Variants in NKPD1 observed in about 807,000 individuals in gnomAD.
NKPD1 encodes NTPase KAP family P-loop domain containing 1.
Under a neutral mutation model 42.2 loss-of-function variants are expected in NKPD1, and 37 were observed. That is an observed-to-expected ratio of 0.88 (90% confidence interval 0.67 to 1.15). NKPD1 has a LOEUF of 1.15. Ranked by LOEUF, NKPD1 falls within the 50% of genes most tolerant of loss-of-function variation. The pLI is 0.00. For synonymous variants in NKPD1, 552 were observed against 536.5 expected (o/e 1.03, Z -0.40); for missense variants, 1,113 against 1,174.6 (o/e 0.95, Z 0.77).
At chr19:45,154,326 C>T (rs1968861496) in intron 4 of NKPD1, among the ~76,000 whole-genome samples, 1 of 152,216 alleles carries the variant, frequency 6.6e-6, no homozygotes, top group South Asian at 2.1e-4. Flanking sequence ...TCTGGGTCAT[C>T]ACTGTCTGAG....
chr19:45,153,043 T>C lies in NKPD1; in HGVS notation c.1394A>G (p.Tyr465Cys). 6.3e-7 allele frequency: 1 copy of C among 1,585,408 alleles called. No homozygotes were observed. The highest frequency in any genetic ancestry group is 1.3e-5 in the African/African-American group (1 of 74,374). The stretch of plus-strand genomic sequence containing the variant: ...GAGCACGCCCACCACGCGCTCCGGG[T>C]AGCACGTGTCCAGCCCGGTGACCTC... ...VLEVTGLDTC[Y>C]PERVVGVLNA... The change falls in exon 5 of 5, where the codon TAC becomes TGC. Residue 465 changes from tyrosine to cysteine, a missense_variant. By Grantham distance (194) the Tyr-to-Cys change is radical. Around this residue, in one of 3 missense-constraint regions of NKPD1, gnomAD observed 867 missense variants for 870.1 expected, o/e 1.00. Transcript: ENST00000686631.
chr19:45,154,254 T>C (rs1236777106), intron 4 of NKPD1, among the ~76,000 whole-genome samples: 1 of 152,082 alleles, frequency 6.6e-6, no homozygotes, highest in African/African-American at 2.4e-5. Flanking sequence ...ACTTAACTGC[T>C]CCTCCTGCAG....
At chr19:45,159,134 T>G (rs1968961600) in intron 2 of NKPD1, 34 bp from the exon 3 acceptor site, 1 of 1,250,654 alleles carries the variant, frequency 8.0e-7, no homozygotes, top group South Asian at 1.3e-5. Context: ...ACTGGGCCTG[T>G]GTCCCCGACC....
rs1599720035 is a variant in NKPD1, at chr19:45,152,994, G to C, written c.1443C>G (p.Ser481=). The change falls in exon 5 of 5, where the codon TCC becomes TCG. Residue 481 remains serine, a synonymous_variant. Coordinates refer to ENST00000686631, the MANE Select transcript of NKPD1 (RefSeq NM_198478.4). ...GVLNAINTLL[S]DSHAPFIFIL... is the part of the protein sequence containing the mutation. ...TGAAGATGAAGGGCGCGTGGCTGTC[G>C]GACAGCAGCGTGTTGATGGCGTTGA... 1 of 1,585,280 alleles carries C rather than the reference G, an allele frequency of 6.3e-7. No individual in the cohort carries two copies. The highest frequency in any genetic ancestry group is 8.6e-7 in the Non-Finnish European group (1 of 1,164,970).
Position 45,158,593 on chromosome 19 carries a change from C to A in NKPD1, c.529+70G>T. On this transcript the variant is annotated intron_variant, in intron 3 of 4. Coordinates refer to ENST00000686631, the MANE Select transcript of NKPD1 (RefSeq NM_198478.4). This position sits in a 1 kb window ranked among gnomAD's most constrained non-coding sequence, Gnocchi z 4.6. ...CAGGTGCAAGATGCTAGGCAGGGAG[C>A]AAGGAGAGCAGGTGGGAAGTGAGGC... 8.8e-7 allele frequency: 1 copy of A among 1,140,646 alleles called. No homozygotes were observed. The highest frequency in any genetic ancestry group is 1.1e-6 in the Non-Finnish European group (1 of 919,892). 70.7% of individuals were successfully genotyped at this position (1,140,646 alleles called of 1,614,324 possible).
rs1452324701 is a variant in NKPD1 at position 45,152,177 on chromosome 19, T to C, written c.2260A>G (p.Met754Val). The C allele has an allele frequency of 1.9e-6, 3 of 1,595,212 alleles. No homozygotes were observed. Among genetic ancestry groups the C allele is most frequent in the Non-Finnish European group, 2.6e-6 (3 of 1,172,624 alleles). Reference sequence around the variant, plus strand: ...GCGCTGACGGCTCGGATGAGACCCATGCGCCGGCGGATGGAGTGGTCCAGG... The same window carrying C: ...GCGCTGACGGCTCGGATGAGACCCACGCGCCGGCGGATGGAGTGGTCCAGG... ...VNLDHSIRRRMGLIRAVSALK... is the reference protein window; with the variant it reads ...VNLDHSIRRRVGLIRAVSALK... Residue 754 changes from methionine to valine, a missense_variant, in exon 5 of 5, where the codon ATG becomes GTG. Around this residue, in one of 3 missense-constraint regions of NKPD1, gnomAD observed 867 missense variants for 870.1 expected, o/e 1.00. Transcript: ENST00000686631.
rs1968941374 is a variant in NKPD1 at position 45,158,359 on chromosome 19, G to A, written c.529+304C>T. The stretch of plus-strand genomic sequence containing the variant: ...CCCTGCTGAGCCAGAGGAGGGAGCT[G>A]AGAAGAGACCAGAGCAGAGCCAGGG... On this transcript the variant is annotated intron_variant, in intron 3 of 4. Coordinates refer to ENST00000686631, the MANE Select transcript of NKPD1 (RefSeq NM_198478.4). The surrounding 1 kb of genome is among the most constrained non-coding windows in gnomAD (Gnocchi z 4.6). Among the ~76,000 whole-genome samples, 1 of 152,256 alleles carries A rather than the reference G, an allele frequency of 6.6e-6. No individual in the cohort carries two copies. The highest frequency in any genetic ancestry group is 1.5e-5 in the Non-Finnish European group (1 of 68,048).
Position 45,152,510 on chromosome 19 carries a change from C to CCTGCTGCTG in NKPD1, c.1918_1926dup (p.Gln640_Gln642dup). ...CGCGGCGTGGGGCCCCCAAAGTCCCCCTGCTGCTGCTGCTGCTGCAGCAGG... is the reference window on the plus strand; with the variant it reads ...CGCGGCGTGGGGCCCCCAAAGTCCCCCTGCTGCTGCTGCTGCTGCTGCTGCTGCAGCAGG... On this transcript the variant is annotated inframe_insertion, in exon 5 of 5. Coordinates refer to ENST00000686631, the MANE Select transcript of NKPD1 (RefSeq NM_198478.4). 4 of 1,568,274 alleles carry CCTGCTGCTG rather than the reference C, an allele frequency of 2.6e-6. No homozygotes were observed. In the South Asian group the frequency reaches 3.4e-5, roughly 13 times the overall value.
chr19:45,159,740 C>T (rs1270921720), intron 2 of NKPD1, among the ~76,000 whole-genome samples: 2 of 152,180 alleles, frequency 1.3e-5, no homozygotes, highest in African/African-American at 4.8e-5. Flanking sequence ...GGGGGGGCTC[C>T]CTCTCCTACC....
Position 45,152,999 on chromosome 19 carries a change from G to A in NKPD1, c.1438C>T (p.Leu480=), listed in dbSNP as rs998301956. 1.9e-6 allele frequency: 3 copies of A among 1,586,076 alleles called. No homozygotes were observed. The highest frequency in any genetic ancestry group is 2.6e-6 in the Non-Finnish European group (3 of 1,165,418). ...VGVLNAINTL[L]SDSHAPFIFI... ...ATGAAGGGCGCGTGGCTGTCGGACA[G>A]CAGCGTGTTGATGGCGTTGAGCACG... Residue 480 remains leucine (L), a synonymous_variant, in exon 5 of 5, where the codon CTG becomes TTG. Transcript: ENST00000686631.
chr19:45,158,942 G>A lies in NKPD1; in HGVS notation c.250C>T (p.Arg84Trp), dbSNP rs1416140383. Residue 84 changes from arginine (R) to tryptophan (W), a missense_variant, in exon 3 of 5, where the codon CGG becomes TGG. Coordinates refer to ENST00000686631, the MANE Select transcript of NKPD1 (RefSeq NM_198478.4). The surrounding 1 kb of genome is among the most constrained non-coding windows in gnomAD (Gnocchi z 4.6). The stretch of plus-strand genomic sequence containing the variant: ...GGTGAGGGCTGGGACTGGGGCTGCC[G>A]CTGCTGCTGCAGGACGGAGGGCAGG... ...GLLPSVLQQQ[R>W]QPQSQPSPPS... is the part of the protein sequence containing the mutation. 5 of 1,299,226 alleles carry A rather than the reference G, an allele frequency of 3.8e-6. No individual in the cohort carries two copies. The African/African-American group carries it at 4.6e-5, about 12-fold the overall frequency. The allele number at this position is 1,299,226 out of a possible 1,614,324, so 80.5% of individuals were successfully genotyped here.
chr19:45,157,606 G>A (rs1331302608), intron 3 of NKPD1, among the ~76,000 whole-genome samples: 3 of 152,052 alleles, frequency 2.0e-5, no homozygotes, highest in Non-Finnish European at 4.4e-5. Flanking sequence ...TGTAGATACA[G>A]GGCATAACTA....
At position 45,158,542 on chromosome 19, in the gene NKPD1, A is replaced by T; in HGVS notation, c.529+121T>A. 2.8e-6 allele frequency: 3 copies of T among 1,053,794 alleles called. No individual in the cohort carries two copies. Among genetic ancestry groups the T allele is most frequent in the Non-Finnish European group, 2.3e-6 (2 of 864,762 alleles). 65.3% of individuals were successfully genotyped at this position (1,053,794 alleles called of 1,614,324 possible). ...GGCCAGGGACGCACCCCTCCTAGATAGGGAACAGGGTGTGGATGAAGAGGG... is the reference window on the plus strand; with the variant it reads ...GGCCAGGGACGCACCCCTCCTAGATTGGGAACAGGGTGTGGATGAAGAGGG... On this transcript the variant is annotated intron_variant, in intron 3 of 4. Coordinates refer to ENST00000686631, the MANE Select transcript of NKPD1 (RefSeq NM_198478.4). The surrounding 1 kb of genome is among the most constrained non-coding windows in gnomAD (Gnocchi z 4.6).
At chr19:45,159,798 C>A (rs944018732) in intron 2 of NKPD1, among the ~76,000 whole-genome samples, 3 of 152,246 alleles carry the variant, frequency 2.0e-5, no homozygotes, top group African/African-American at 7.2e-5. Context: ...GCCATCCACA[C>A]AGGCCTCAGG....
chr19:45,151,921 C>T lies in NKPD1; in HGVS notation c.*17G>A. 1 of 1,524,644 alleles carries T rather than the reference C, an allele frequency of 6.6e-7. No homozygotes were observed. 94.4% of individuals were successfully genotyped at this position (1,524,644 alleles called of 1,614,324 possible). A position where few individuals can be genotyped will look rare whatever the true frequency, so the allele number is the denominator to read the frequency against. ...ATGGAGGAACCCTTGCCTCCTGCTG[C>T]CCGCCAAGTCCTCCATTTAAGGCCC... On this transcript the variant is annotated 3_prime_UTR_variant, in exon 5 of 5. Coordinates refer to ENST00000686631, the MANE Select transcript of NKPD1 (RefSeq NM_198478.4).
At chr19:45,153,828 C>G in intron 4 of NKPD1, 53 bp from the exon 5 acceptor site, 1 of 1,404,194 alleles carries the variant, frequency 7.1e-7, no homozygotes, top group Non-Finnish European at 9.2e-7. Context: ...CCGGGGTGGG[C>G]GGGGCCTAGT....
At chr19:45,153,939 G>A (rs1474888539) in intron 4 of NKPD1, 164 bp from the exon 5 acceptor site, 4 of 668,658 alleles carry the variant, frequency 6.0e-6, no homozygotes, top group Non-Finnish European at 6.6e-6. Context: ...GGAAGCCGGT[G>A]CAGAAGCGGG....
rs765943925 is a variant in NKPD1, at chr19:45,153,723, C to T, written c.714G>A (p.Val238=). The change falls in exon 5 of 5, where the codon GTG becomes GTA. Residue 238 remains valine, a synonymous_variant. Transcript: ENST00000686631. ...AQRESEELQH[V]QWRPRAVSGW... Reference sequence around the variant, plus strand: ...CGCTCACGGCACGCGGCCGCCACTGCACGTGCTGCAGCTCCTCGCTCTCGC... The same window carrying T: ...CGCTCACGGCACGCGGCCGCCACTGTACGTGCTGCAGCTCCTCGCTCTCGC... 7.9e-6 allele frequency: 12 copies of T among 1,526,328 alleles called. No homozygotes were observed. The South Asian group carries it at 1.4e-4, about 18-fold the overall frequency. 94.5% of individuals were successfully genotyped at this position (1,526,328 alleles called of 1,614,324 possible). A position where few individuals can be genotyped will look rare whatever the true frequency, so the allele number is the denominator to read the frequency against.
chr19:45,158,917 G>A lies in NKPD1; in HGVS notation c.275C>T (p.Pro92Leu), dbSNP rs905593032. The change falls in exon 3 of 5, where the codon CCT (proline) becomes CTT (leucine). Residue 92 changes from proline to leucine, a missense_variant. Around this residue, in one of 3 missense-constraint regions of NKPD1, gnomAD observed 204 missense variants for 227.8 expected, o/e 0.90. Transcript: ENST00000686631. The surrounding 1 kb of genome is among the most constrained non-coding windows in gnomAD (Gnocchi z 4.6). ...GAGCCGCTGCCGCAGGGGGCTGGGA[G>A]GTGAGGGCTGGGACTGGGGCTGCCG... ...QQRQPQSQPS[P>L]PSPLRQRLCP... is the part of the protein sequence containing the mutation. 2 of 1,297,268 alleles carry A rather than the reference G, an allele frequency of 1.5e-6. No individual in the cohort carries two copies. The highest frequency in any genetic ancestry group is 2.0e-6 in the Non-Finnish European group (2 of 986,072). 80.4% of individuals were successfully genotyped at this position (1,297,268 alleles called of 1,614,324 possible).
Sources: allele counts gnomAD v4.1 joint callset (sites outside exome capture counted in the v4.1 genomes callset), GRCh38; gene constraint gnomAD v4.1.1; regional missense constraint gnomAD v4.1.1; non-coding constraint Gnocchi (gnomAD v3.1); transcripts MANE v1.5; gene names NCBI Gene and HGNC (gene_info 2026-07-23, HGNC 2026-07-21).